BORCS5: variants seen among roughly 807,000 people sequenced by gnomAD.
BORCS5 encodes the protein BLOC-1-related complex subunit 5.
BORCS5 carries 17 observed loss-of-function variants against 22.1 expected under a neutral mutation model. That is an observed-to-expected ratio of 0.77 (90% CI 0.53 to 1.15). The LOEUF is 1.15. Among genes scored for constraint, BORCS5 ranks in the 50% most tolerant of loss-of-function variants. BORCS5 has a pLI of 0.00. For missense variants in BORCS5, 247 were observed against 253.2 expected, an observed-to-expected ratio of 0.98 and a Z score of 0.17; for synonymous variants, 117 against 99.8, an observed-to-expected ratio of 1.17 and a Z score of -1.03.
chr12:12,453,388 C>A (rs1298709197), intron 3 of BORCS5, among the ~76,000 whole-genome samples: 1 of 152,128 alleles, frequency 6.6e-6, no homozygotes, highest in East Asian at 1.9e-4. Context: ...CAGCTTTTTA[C>A]CTTGGACTGT....
rs1943205754 is a variant in BORCS5, at chr12:12,466,475, T to C, written c.*699T>C. 6.6e-6 allele frequency: 1 copy of C among 152,240 alleles called. No homozygotes were observed. The highest frequency in any genetic ancestry group is 6.5e-5 in the Admixed American group (1 of 15,274). The allele number at this position is 152,240 out of a possible 1,614,324, so 9.4% of individuals were successfully genotyped here. A position where few individuals can be genotyped will look rare whatever the true frequency, so the allele number is the denominator to read the frequency against. ...TTAGCTTTCTTTGACTGCAGAGATG[T>C]CTCATTCCACAGACATTTCTTGAAC... On this transcript the variant is annotated 3_prime_UTR_variant, in exon 4 of 4. Coordinates refer to ENST00000314565, the MANE Select transcript of BORCS5 (RefSeq NM_058169.6).
intron 3 of BORCS5, among the ~76,000 whole-genome samples, chr12:12,464,925 A>G (rs372816215): frequency 6.6e-6 from 1 of 152,138 alleles, no homozygotes; most frequent in African/African-American, 2.4e-5. Flanking sequence ...GCAGCCGTCC[A>G]GGGAAGAGAA....
chr12:12,364,944 G>A (rs1306518914), intron 2 of BORCS5, among the ~76,000 whole-genome samples: 1 of 152,178 alleles, frequency 6.6e-6, no homozygotes, highest in Non-Finnish European at 1.5e-5. Context: ...TCCAATCTGG[G>A]CAACAGAGCA....
At chr12:12,390,938 C>T (rs910265733) in intron 2 of BORCS5, among the ~76,000 whole-genome samples, 1 of 151,946 alleles carries the variant, frequency 6.6e-6, no homozygotes, top group Non-Finnish European at 1.5e-5. Context: ...TTGTAAAGAA[C>T]AGAAGAGGTA....
chr12:12,438,917 A>G (rs905257250), intron 3 of BORCS5, among the ~76,000 whole-genome samples: 5 of 152,242 alleles, frequency 3.3e-5, no homozygotes, highest in Admixed American at 1.3e-4. Context: ...ATTTGAGAGT[A>G]CCTATATACC....
At chr12:12,440,605 G>GA (rs11388720) in intron 3 of BORCS5, among the ~76,000 whole-genome samples, 90,990 of 139,710 alleles carry the variant, frequency 0.65, 29,486 homozygotes, top group East Asian at 0.95. Context: ...CTAGGTCTTT[G>GA]AAAAAAAAAA....
chr12:12,433,261 A>C (rs1159100526), intron 2 of BORCS5, among the ~76,000 whole-genome samples: 1 of 142,398 alleles, frequency 7.0e-6, no homozygotes, highest in African/African-American at 2.6e-5. Flanking sequence ...ACAAGGTTTC[A>C]GTGAGCTGAG....
intron 3 of BORCS5, among the ~76,000 whole-genome samples, chr12:12,441,776 A>C (rs996542247): frequency 1.4e-4 from 21 of 151,656 alleles, no homozygotes; most frequent in African/African-American, 5.1e-4. Flanking sequence ...GATTTCTTTC[A>C]TGCCATGAAT....
intron 2 of BORCS5, among the ~76,000 whole-genome samples, chr12:12,369,508 A>C (rs1863475465): frequency 6.6e-6 from 1 of 152,042 alleles, no homozygotes; most frequent in Non-Finnish European, 1.5e-5. Flanking sequence ...TTGCATTACA[A>C]AAATTTTTTT....
At chr12:12,462,729 TCACTG>T (rs2136162596) in intron 3 of BORCS5, among the ~76,000 whole-genome samples, 1 of 152,292 alleles carries the variant, frequency 6.6e-6, no homozygotes, top group Non-Finnish European at 1.5e-5. Context: ...CGATCTTGGC[TCACTG>T]CAACCTCTGC....
At chr12:12,372,375 C>T (rs563068168) in intron 2 of BORCS5, among the ~76,000 whole-genome samples, 2 of 151,166 alleles carry the variant, frequency 1.3e-5, no homozygotes, top group African/African-American at 4.9e-5. Flanking sequence ...GACAGGATCT[C>T]GCTCTGTTGC....
At chr12:12,448,524 ATTCTTTTTTTTTTTT>A (rs957398596) in intron 3 of BORCS5, among the ~76,000 whole-genome samples, 3 of 138,254 alleles carry the variant, frequency 2.2e-5, no homozygotes, top group African/African-American at 5.2e-5. Context: ...CTTGTCTTCA[ATTCTTTTTTTTTTTT>A]TTCTTTTTTT....
In BORCS5 at chr12:12,357,314, C is replaced by G; in HGVS notation, c.-138C>G. 3 of 1,471,400 alleles carry G rather than the reference C, an allele frequency of 2.0e-6. No homozygotes were observed. The highest frequency in any genetic ancestry group is 9.0e-7 in the Non-Finnish European group (1 of 1,107,304). 91.1% of individuals were successfully genotyped at this position (1,471,400 alleles called of 1,614,324 possible). A position where few individuals can be genotyped will look rare whatever the true frequency, so the allele number is the denominator to read the frequency against. On this transcript the variant is annotated 5_prime_UTR_variant, in exon 1 of 4. Transcript: ENST00000314565. ...CCCTGCGTGGGCTGGACGCGTCAGC[C>G]CCACACATTAGCCTCGCTGCGGCGC...
At chr12:12,362,982 G>A (rs1220398597) in intron 2 of BORCS5, among the ~76,000 whole-genome samples, 5 of 151,608 alleles carry the variant, frequency 3.3e-5, no homozygotes, top group African/African-American at 1.2e-4. Context: ...TGATTTTGAG[G>A]AATAATGTGA....
chr12:12,406,555 C>A (rs905738384), intron 2 of BORCS5, among the ~76,000 whole-genome samples: 15 of 152,188 alleles, frequency 9.9e-5, no homozygotes, highest in African/African-American at 3.6e-4. Flanking sequence ...TTTTTTCTTG[C>A]ATCCTTTTCT....
intron 3 of BORCS5, among the ~76,000 whole-genome samples, chr12:12,441,109 G>A (rs527864956): frequency 3.3e-5 from 5 of 152,222 alleles, no homozygotes; most frequent in African/African-American, 9.6e-5. Flanking sequence ...CAGGGAGGAC[G>A]CAGGCAAGTT....
chr12:12,453,951 G>T (rs915591538), intron 3 of BORCS5, among the ~76,000 whole-genome samples: 2 of 151,994 alleles, frequency 1.3e-5, no homozygotes, highest in Non-Finnish European at 2.9e-5. Flanking sequence ...CCTTGTGTCT[G>T]GTTTCTTTTA....
At chr12:12,425,373 A>T (rs1266146227) in intron 2 of BORCS5, among the ~76,000 whole-genome samples, 5 of 152,154 alleles carry the variant, frequency 3.3e-5, no homozygotes. Context: ...TTCCTACCAC[A>T]GTCTTCCCCA....
intron 2 of BORCS5, among the ~76,000 whole-genome samples, chr12:12,377,844 AAGGAT>A (rs1489949187): frequency 4.6e-5 from 7 of 152,326 alleles, no homozygotes; most frequent in Middle Eastern, 3.4e-3. Context: ...GCCAAGGTTT[AAGGAT>A]AGGAAAATGC....
Sources: allele counts gnomAD v4.1 joint callset (sites outside exome capture counted in the v4.1 genomes callset), GRCh38; gene constraint gnomAD v4.1.1; transcripts MANE v1.5; gene names NCBI Gene and HGNC (gene_info 2026-07-23, HGNC 2026-07-21).